Variants in TBL1X observed in about 807,000 individuals in gnomAD.
TBL1X encodes transducin beta like 1 X-linked.
A neutral mutation model predicts 50.7 loss-of-function variants in TBL1X; 10 were observed. That is an observed-to-expected ratio of 0.20 (90% CI 0.12 to 0.33). The LOEUF is 0.33. Among genes scored for constraint, TBL1X ranks in the 10% least tolerant of loss-of-function variants. The pLI is 1.00. For synonymous variants in TBL1X, 190 were observed against 214.7 expected, an observed-to-expected ratio of 0.88 and a Z score of 1.01; for missense variants, 340 against 504.4, an observed-to-expected ratio of 0.67 and a Z score of 3.12.
At position 9,546,803 on chromosome X, in the gene TBL1X, A is replaced by ATTTTTTT. The variant is rs774181046; in HGVS notation, c.-131+44981_-131+44987dup. 2.7e-3 allele frequency among the ~76,000 whole-genome samples: 121 copies of ATTTTTTT among 45,001 alleles called. 5 individuals are homozygous for ATTTTTTT. The highest frequency in any genetic ancestry group is 3.9e-3 in the Non-Finnish European group (102 of 26,103). 39.1% of individuals were successfully genotyped at this position (45,001 alleles called of 115,157 possible). ...ATCACTATGGATTCATTTATTCTTA[A>ATTTTTTT]TTTTTTTTTTTTTTTTTTTTTTTTT... On this transcript the variant is annotated intron_variant, in intron 2 of 17. Coordinates refer to ENST00000645353, the MANE Select transcript of TBL1X (RefSeq NM_005647.4).
chrX:9,558,046 T>C (rs1357756027), intron 2 of TBL1X, among the ~76,000 whole-genome samples: 2 of 112,607 alleles, frequency 1.8e-5, no homozygotes, highest in Non-Finnish European at 3.7e-5. Context: ...TCAAGTATTT[T>C]GCAAATGTCT....
intron 1 of TBL1X, among the ~76,000 whole-genome samples, chrX:9,491,182 G>T (rs1018375983): frequency 5.7e-5 from 6 of 105,583 alleles, no homozygotes; most frequent in African/African-American, 2.1e-4. Flanking sequence ...GGGTCTCACT[G>T]TTGTTGCGCA....
chrX:9,607,964 ATT>A (rs370098919), intron 2 of TBL1X, among the ~76,000 whole-genome samples: 1,116 of 92,112 alleles, frequency 0.012, 23 homozygotes, highest in African/African-American at 0.043. Context: ...CATGCCTGGA[ATT>A]TTTTTTTTTT....
At chrX:9,629,746 G>C (rs1177067640) in intron 2 of TBL1X, among the ~76,000 whole-genome samples, 1 of 111,742 alleles carries the variant, frequency 8.9e-6, no homozygotes, top group Non-Finnish European at 1.9e-5. Context: ...TGGCAGTTGC[G>C]TGTAGGATAT....
intron 2 of TBL1X, among the ~76,000 whole-genome samples, chrX:9,558,613 T>TG (rs1486824802): frequency 1.4e-3 from 156 of 111,208 alleles, no homozygotes; most frequent in African/African-American, 4.8e-3. Context: ...TACAAAGAAG[T>TG]GAACATAGTG....
At chrX:9,512,488 C>G (rs1252326891) in intron 2 of TBL1X, among the ~76,000 whole-genome samples, 2 of 101,741 alleles carry the variant, frequency 2.0e-5, no homozygotes, top group African/African-American at 7.1e-5. Flanking sequence ...TTCAGACTTT[C>G]TCTATGTACG....
At chrX:9,676,230 A>G (rs2082993357) in intron 5 of TBL1X, among the ~76,000 whole-genome samples, 1 of 112,180 alleles carries the variant, frequency 8.9e-6, no homozygotes, top group Non-Finnish European at 1.9e-5. Context: ...AGCTCTTCCT[A>G]GTAGCTGACT....
intron 5 of TBL1X, among the ~76,000 whole-genome samples, chrX:9,655,395 C>T (rs139295416): frequency 3.1e-3 from 341 of 111,415 alleles, no homozygotes; most frequent in African/African-American, 0.01. Context: ...GATTTGTCCA[C>T]ATTTCCCCAC....
intron 5 of TBL1X, among the ~76,000 whole-genome samples, chrX:9,668,969 T>G (rs1253601667): frequency 8.9e-6 from 1 of 112,057 alleles, no homozygotes; most frequent in African/African-American, 3.2e-5. Flanking sequence ...CCAAGCATAA[T>G]AAGACTAAGA....
At chrX:9,632,102 G>A (rs1423389780) in intron 2 of TBL1X, among the ~76,000 whole-genome samples, 1 of 111,985 alleles carries the variant, frequency 8.9e-6, no homozygotes, top group Non-Finnish European at 1.9e-5. Flanking sequence ...CTTTTGGGTT[G>A]TTTTCTGGCT....
intron 5 of TBL1X, among the ~76,000 whole-genome samples, chrX:9,674,556 G>A (rs753813467): frequency 9.1e-6 from 1 of 109,487 alleles, no homozygotes; most frequent in East Asian, 2.9e-4. Context: ...GAGTCACTGC[G>A]CCTGACCTAT....
At chrX:9,548,802 G>A (rs777708664) in intron 2 of TBL1X, among the ~76,000 whole-genome samples, 1 of 112,746 alleles carries the variant, frequency 8.9e-6, no homozygotes, top group East Asian at 2.8e-4. Flanking sequence ...CTTGGAATTA[G>A]AAGGATTTCT....
At chrX:9,573,425 A>G (rs1240205122) in intron 2 of TBL1X, among the ~76,000 whole-genome samples, 3 of 112,278 alleles carry the variant, frequency 2.7e-5, no homozygotes, top group East Asian at 5.5e-4. Flanking sequence ...TTTACATGGG[A>G]TATTGTCACT....
chrX:9,529,418 T>C (rs955198811), intron 2 of TBL1X, among the ~76,000 whole-genome samples: 5 of 111,628 alleles, frequency 4.5e-5, no homozygotes, highest in Non-Finnish European at 9.4e-5. Context: ...CGCAGTTGCC[T>C]GGAATGCTGA....
intron 1 of TBL1X, among the ~76,000 whole-genome samples, chrX:9,490,614 G>A (rs1399076086): frequency 8.9e-6 from 1 of 112,139 alleles, no homozygotes; most frequent in Non-Finnish European, 1.9e-5. Flanking sequence ...CAACTGGGAA[G>A]GGGAATTGGT....
chrX:9,649,774 A>T (rs745525153), intron 3 of TBL1X, among the ~76,000 whole-genome samples: 14 of 110,872 alleles, frequency 1.3e-4, no homozygotes, highest in Non-Finnish European at 1.9e-4. Flanking sequence ...CACGAATCAG[A>T]GTATCTGCTC....
chrX:9,523,146 A>G (rs2082114432), intron 2 of TBL1X, among the ~76,000 whole-genome samples: 1 of 111,908 alleles, frequency 8.9e-6, no homozygotes, highest in Admixed American at 9.4e-5. Flanking sequence ...CCAGTAGCTG[A>G]TTGCCCTGCT....
intron 5 of TBL1X, among the ~76,000 whole-genome samples, chrX:9,661,815 G>A (rs1484700548): frequency 1.8e-5 from 2 of 111,372 alleles, no homozygotes; most frequent in Non-Finnish European, 3.8e-5. Context: ...GTGGAGCGGA[G>A]GGGAAGGTTC....
chrX:9,632,426 G>T (rs750479532), intron 2 of TBL1X, among the ~76,000 whole-genome samples: 7 of 111,074 alleles, frequency 6.3e-5, no homozygotes, highest in Non-Finnish European at 9.4e-5. Flanking sequence ...GACTGCGGGC[G>T]CATGCCACAA....
Sources: allele counts gnomAD v4.1 joint callset (sites outside exome capture counted in the v4.1 genomes callset), GRCh38; gene constraint gnomAD v4.1.1; transcripts MANE v1.5; gene names NCBI Gene and HGNC (gene_info 2026-07-23, HGNC 2026-07-21).